The following MMAA variants were observed in gnomAD, a reference collection of about 807,000 sequenced individuals.
MMAA encodes methylmalonic aciduria type A protein, mitochondrial.
MMAA carries 41 observed loss-of-function variants against 45.0 expected under a neutral mutation model. The ratio of observed to expected loss-of-function variants is 0.91; its 90% CI spans 0.71 to 1.18. The LOEUF is 1.18. MMAA is among the 50% of genes most tolerant of loss of function. The pLI, the probability that MMAA is intolerant of heterozygous loss-of-function variation, is 0.00. For missense variants in MMAA, 460 were observed against 495.7 expected, an observed-to-expected ratio of 0.93 and a Z score of 0.68; for synonymous variants, 154 against 178.2, an observed-to-expected ratio of 0.86 and a Z score of 1.08.
rs116773849 is a variant in MMAA at position 145,646,020 on chromosome 4, G to A, written c.597G>A (p.Glu199=). The change falls in exon 4 of 7, where the codon GAG becomes GAA. Residue 199 remains glutamate, a synonymous_variant. Coordinates refer to ENST00000649156, the MANE Select transcript of MMAA (RefSeq NM_172250.3). ...SLLGDKTRMT[E]LSRDMNAYIR... is the part of the protein sequence containing the mutation. ...TAGGTGATAAAACCCGAATGACTGA[G>A]TTATCAAGAGATATGAATGCATACA... is the stretch of plus-strand genomic sequence containing the variant. 774 of 1,614,054 alleles carry A rather than the reference G, an allele frequency of 4.8e-4. 6 individuals are homozygous for A. The African/African-American group carries it at 8.7e-3, about 18-fold the overall frequency.
rs935485084 is a variant in MMAA at position 145,659,038 on chromosome 4, A to G, written c.*3604A>G. 1 of 152,224 alleles carries G rather than the reference A, an allele frequency of 6.6e-6. No individual in the cohort carries two copies. Among genetic ancestry groups the G allele is most frequent in the African/African-American group, 2.4e-5 (1 of 41,456 alleles). The allele number at this position is 152,224 out of a possible 1,614,324, so 9.4% of individuals were successfully genotyped here. ...GAGTGGTGGCTGGCACCAACGGTAG[A>G]TGTTCTCAACATTAGCGTTATTCAG... On this transcript the variant is annotated 3_prime_UTR_variant, in exon 7 of 7. Coordinates refer to ENST00000649156, the MANE Select transcript of MMAA (RefSeq NM_172250.3).
In MMAA at chr4:145,639,276, C is replaced by A. The variant is rs543412068; in HGVS notation, c.137C>A (p.Ser46Tyr). ...ATCCCATGTGCTCAGCCGTTTAATT[C>A]TCTTGGACTCCATTGTACAAAGTGG... The part of the protein sequence containing the change: ...SGIPCAQPFN[S>Y]LGLHCTKWML... Residue 46 changes from serine (S) to tyrosine (Y), a missense_variant, in exon 2 of 7, where the codon TCT becomes TAT. Coordinates refer to ENST00000649156, the MANE Select transcript of MMAA (RefSeq NM_172250.3). The A allele has an allele frequency of 1.9e-6, 3 of 1,614,132 alleles. No homozygotes were observed. The African/African-American group carries it at 4.0e-5, about 22-fold the overall frequency.
chr4:145,640,297 G>C (rs1560796504), intron 2 of MMAA, among the ~76,000 whole-genome samples: 1 of 151,718 alleles, frequency 6.6e-6, no homozygotes. Flanking sequence ...ATTTTTAATA[G>C]AGACAGGGTT....
intron 1 of MMAA, chr4:145,625,345 CT>C: frequency 1.4e-6 from 1 of 705,616 alleles, no homozygotes; most frequent in East Asian, 2.9e-5. Flanking sequence ...CCAAGGTCTG[CT>C]TTTTGGTGAG....
intron 3 of MMAA, 153 bp downstream of exon 3, chr4:145,642,638 AG>A: frequency 1.8e-6 from 2 of 1,113,436 alleles, no homozygotes; most frequent in Non-Finnish European, 2.7e-6. Flanking sequence ...GGAAGCTGAG[AG>A]AAGTAGTTTG....
intron 1 of MMAA, among the ~76,000 whole-genome samples, chr4:145,637,087 G>C (rs1361433159): frequency 1.3e-5 from 2 of 152,166 alleles, no homozygotes; most frequent in Non-Finnish European, 2.9e-5. Context: ...AAATACTATT[G>C]TCATCACCAT....
intron 4 of MMAA, among the ~76,000 whole-genome samples, chr4:145,649,097 T>G (rs1168555408): frequency 5.7e-5 from 8 of 139,550 alleles, no homozygotes; most frequent in Non-Finnish European, 1.1e-4. Flanking sequence ...GAGACCAGCC[T>G]GGGCAACATA....
chr4:145,628,873 A>G (rs1004344425), intron 1 of MMAA, among the ~76,000 whole-genome samples: 5 of 152,182 alleles, frequency 3.3e-5, no homozygotes, highest in African/African-American at 4.8e-5. Context: ...CAATATATAT[A>G]TAGTTATTCT....
chr4:145,646,284 T>C, intron 4 of MMAA, 128 bp downstream of exon 4: 8 of 1,031,698 alleles, frequency 7.8e-6, no homozygotes. Context: ...AGATATCCCA[T>C]ACTCCCTAGA....
rs1483490170 is a variant in MMAA at position 145,656,529 on chromosome 4, C to T, written c.*1095C>T. ...TAAAGTTATGGGTATCTTGAAACTA[C>T]AAACCTGATGTATAATTTCAGTTTT... is the stretch of plus-strand genomic sequence containing the variant. On this transcript the variant is annotated 3_prime_UTR_variant, in exon 7 of 7. Coordinates refer to ENST00000649156, the MANE Select transcript of MMAA (RefSeq NM_172250.3). 2 of 151,824 alleles carry T rather than the reference C, an allele frequency of 1.3e-5. No individual in the cohort carries two copies. The highest frequency in any genetic ancestry group is 2.9e-5 in the Non-Finnish European group (2 of 68,020). 9.4% of individuals were successfully genotyped at this position (151,824 alleles called of 1,614,324 possible).
At chr4:145,654,223 A>T (rs1728169635) in intron 6 of MMAA, 80 bp downstream of exon 6, 2 of 1,501,390 alleles carry the variant, frequency 1.3e-6, no homozygotes, top group Non-Finnish European at 1.9e-6. Context: ...CCCAAACTAG[A>T]CATATAATCA....
intron 2 of MMAA, among the ~76,000 whole-genome samples, chr4:145,640,844 G>A (rs941551321): frequency 1.3e-5 from 2 of 151,996 alleles, no homozygotes; most frequent in Non-Finnish European, 1.5e-5. Flanking sequence ...AATGTCCCAC[G>A]GTGGTGAACT....
At position 145,654,077 on chromosome 4, in the gene MMAA, G is replaced by A. The variant is rs778354704; in HGVS notation, c.903G>A (p.Arg301=). ...GAGACTTGATTGTGCCAGCTCGAAGGATACAAGCGGAATATGTGAGTGCAC... is the reference window on the plus strand; with the variant it reads ...GAGACTTGATTGTGCCAGCTCGAAGAATACAAGCGGAATATGTGAGTGCAC... ...SDGDLIVPAR[R]IQAEYVSALK... is the part of the protein sequence containing the mutation. The change falls in exon 6 of 7, where the codon AGG becomes AGA. Residue 301 remains arginine, a synonymous_variant. Coordinates refer to ENST00000649156, the MANE Select transcript of MMAA (RefSeq NM_172250.3). 1.2e-6 allele frequency: 2 copies of A among 1,614,166 alleles called. No individual in the cohort carries two copies. The highest frequency in any genetic ancestry group is 2.2e-5 in the South Asian group (2 of 91,086).
At position 145,631,195 on chromosome 4, in the gene MMAA, T is replaced by A. The variant is rs192503731; in HGVS notation, c.-65-7880T>A. 1.2e-4 allele frequency among the ~76,000 whole-genome samples: 18 copies of A among 152,270 alleles called. No individual in the cohort carries two copies. The South Asian group carries it at 1.9e-3, about 16-fold the overall frequency. On this transcript the variant is annotated intron_variant, in intron 1 of 6. Coordinates refer to ENST00000649156, the MANE Select transcript of MMAA (RefSeq NM_172250.3). ...TCTGTAGTGCAGATTAAGTCCAATGTTTTGTTATTAATTTTTTGTCTGGAA... is the reference window on the plus strand; with the variant it reads ...TCTGTAGTGCAGATTAAGTCCAATGATTTGTTATTAATTTTTTGTCTGGAA...
In MMAA at chr4:145,651,068, G is replaced by T. The variant is rs1368000932; in HGVS notation, c.740G>T (p.Gly247Val). 1 of 1,613,970 alleles carries T rather than the reference G, an allele frequency of 6.2e-7. No individual in the cohort carries two copies. Among genetic ancestry groups the T allele is most frequent in the Non-Finnish European group, 8.5e-7 (1 of 1,179,950 alleles). The change falls in exon 5 of 7, where the codon GGT becomes GTT. Residue 247 changes from glycine to valine, a missense_variant. Transcript: ENST00000649156. ...DIILIETVGV[G>V]QSEFAVADMV... ...TTGTGATTTACAATTTCAGGTGTGG[G>T]TCAGTCGGAGTTTGCTGTTGCTGAC...
chr4:145,628,043 A>G (rs1185647760), intron 1 of MMAA, among the ~76,000 whole-genome samples: 1 of 152,212 alleles, frequency 6.6e-6, no homozygotes, highest in Non-Finnish European at 1.5e-5. Context: ...TGTAACACTG[A>G]TAGTCACAAT....
chr4:145,645,379 T>TA (rs768712251), intron 3 of MMAA, among the ~76,000 whole-genome samples: 19 of 152,222 alleles, frequency 1.2e-4, no homozygotes, highest in African/African-American at 4.3e-4. Context: ...ATAAGGTGGA[T>TA]AAGTTCTGTG....
chr4:145,650,591 T>G (rs1319493131), intron 4 of MMAA: 1 of 165,802 alleles, frequency 6.0e-6, no homozygotes, highest in African/African-American at 2.4e-5. Flanking sequence ...TCGTGGCTCT[T>G]GTCCACAGAG....
intron 1 of MMAA, chr4:145,624,737 ATACAGAGCC>A (rs1202246494): frequency 5.0e-6 from 8 of 1,589,870 alleles, no homozygotes; most frequent in Non-Finnish European, 6.9e-6. Context: ...GAAGCCACTT[ATACAGAGCC>A]TTCTCCTCAC....
Sources: gnomAD v4.1 joint callset for allele counts (sites outside exome capture counted in the v4.1 genomes callset) on GRCh38, gnomAD v4.1.1 for gene constraint, MANE v1.5 for transcripts, NCBI Gene and HGNC (gene_info 2026-07-23, HGNC 2026-07-21) for gene names.